The following ATRNL1 variants were observed in gnomAD, a reference collection of about 807,000 sequenced individuals.
The protein encoded by ATRNL1 is attractin like 1.
In ATRNL1, 95 loss-of-function variants were observed where a neutral mutation model predicts 182.7. The ratio of observed to expected loss-of-function variants is 0.52; its 90% confidence interval spans 0.44 to 0.62. The LOEUF is 0.62. Ranked by LOEUF, ATRNL1 falls within the 20% of genes least tolerant of loss-of-function variation. The pLI is 0.00. For synonymous variants in ATRNL1, 576 were observed against 568.3 expected (o/e 1.01, Z -0.19); for missense variants, 1,471 against 1,679.5 (o/e 0.88, Z 2.17).
At chr10:115,603,726 A>G (rs1555016727) in intron 26 of ATRNL1, among the ~76,000 whole-genome samples, 1 of 152,188 alleles carries the variant, frequency 6.6e-6, no homozygotes, top group Non-Finnish European at 1.5e-5. Context: ...ATATTTATCT[A>G]AATATTTACC....
At chr10:115,149,630 T>C (rs1405404575) in intron 5 of ATRNL1, among the ~76,000 whole-genome samples, 1 of 152,188 alleles carries the variant, frequency 6.6e-6, no homozygotes, top group Non-Finnish European at 1.5e-5. Flanking sequence ...GCTGATATGA[T>C]AGATCACATT....
chr10:115,147,056 T>TA (rs1241240988), intron 5 of ATRNL1, among the ~76,000 whole-genome samples: 1 of 152,168 alleles, frequency 6.6e-6, no homozygotes, highest in Non-Finnish European at 1.5e-5. Context: ...CCATACTGTT[T>TA]ACCATAGTGG....
At chr10:115,178,816 A>C (rs1292573033) in intron 8 of ATRNL1, among the ~76,000 whole-genome samples, 1 of 152,176 alleles carries the variant, frequency 6.6e-6, no homozygotes, top group Non-Finnish European at 1.5e-5. Context: ...GCAGACACCA[A>C]AGCTGCCAGC....
chr10:115,465,097 G>A (rs1847991174), intron 22 of ATRNL1, among the ~76,000 whole-genome samples: 1 of 151,588 alleles, frequency 6.6e-6, no homozygotes, highest in Non-Finnish European at 1.5e-5. Context: ...TTTTTGGAAA[G>A]GAAAAGTAAT....
At chr10:115,672,862 T>C (rs536244035) in intron 26 of ATRNL1, among the ~76,000 whole-genome samples, 5 of 152,204 alleles carry the variant, frequency 3.3e-5, no homozygotes, top group African/African-American at 1.2e-4. Flanking sequence ...AAGTTTTATG[T>C]TCATAGTAAA....
chr10:115,792,682 A>G (rs193107059), intron 27 of ATRNL1, among the ~76,000 whole-genome samples: 80 of 150,220 alleles, frequency 5.3e-4, no homozygotes, highest in Non-Finnish European at 6.2e-4. Flanking sequence ...TCAAAATGTT[A>G]TATGAAAAAA....
In ATRNL1 at chr10:115,847,954, A is replaced by G. The variant is rs1950967749; in HGVS notation, c.3981A>G (p.Pro1327=). Residue 1327 remains proline, a synonymous_variant, in exon 28 of 29, where the codon CCA becomes CCG. Coordinates refer to ENST00000355044, the MANE Select transcript of ATRNL1 (RefSeq NM_207303.4). ...AAVLTVFLCL[P]RGSSGAPPPG... ...TTCTGACTGTGTTTCTTTGTCTACCACGAGGATCATCAGGTGCCCCTCCCC... is the reference window on the plus strand; with the variant it reads ...TTCTGACTGTGTTTCTTTGTCTACCGCGAGGATCATCAGGTGCCCCTCCCC... The G allele has an allele frequency of 1.2e-6, 2 of 1,612,416 alleles. No individual in the cohort carries two copies.
rs184296104 is a variant in ATRNL1 at position 115,319,516 on chromosome 10, T to C, written c.3037+3780T>C. Among the ~76,000 whole-genome samples the C allele has an allele frequency of 1.9e-3, 293 of 152,248 alleles. 1 individual carries two copies. In the Middle Eastern group the frequency reaches 0.02, roughly 11 times the overall value. On this transcript the variant is annotated intron_variant, in intron 18 of 28. Transcript: ENST00000355044. ...GTGTCCCACTATTATTGTGTGGGAGTCTAAGTCTCTTTGTAGGTCTCTACA... is the reference window on the plus strand; with the variant it reads ...GTGTCCCACTATTATTGTGTGGGAGCCTAAGTCTCTTTGTAGGTCTCTACA...
At chr10:115,814,647 A>G (rs1434278075) in intron 27 of ATRNL1, among the ~76,000 whole-genome samples, 2 of 152,170 alleles carry the variant, frequency 1.3e-5, no homozygotes, top group Non-Finnish European at 2.9e-5. Context: ...TTCCTGTCTC[A>G]GGAAGGGCTT....
At chr10:115,329,314 A>C (rs181348390) in intron 18 of ATRNL1, among the ~76,000 whole-genome samples, 197 of 152,194 alleles carry the variant, frequency 1.3e-3, no homozygotes, top group Admixed American at 3.7e-3. Flanking sequence ...ATATTAGCTA[A>C]CCTGAAGAAT....
At chr10:115,265,364 C>G (rs1851566548) in intron 11 of ATRNL1, 87 bp downstream of exon 11, 2 of 800,498 alleles carry the variant, frequency 2.5e-6, no homozygotes, top group South Asian at 3.8e-5. Flanking sequence ...TGAAAATTAT[C>G]ATTGGTACTT....
intron 6 of ATRNL1, among the ~76,000 whole-genome samples, chr10:115,163,717 A>G (rs545820876): frequency 6.6e-6 from 1 of 152,262 alleles, no homozygotes; most frequent in East Asian, 1.9e-4. Context: ...ATGTGAGACC[A>G]TTGTGGCCCA....
chr10:115,368,659 C>G (rs2134186866), intron 19 of ATRNL1, among the ~76,000 whole-genome samples: 1 of 152,224 alleles, frequency 6.6e-6, no homozygotes, highest in East Asian at 1.9e-4. Context: ...ATCCCCTTTT[C>G]CACACCAGCT....
chr10:115,223,142 A>G (rs1849535577), intron 9 of ATRNL1, among the ~76,000 whole-genome samples: 1 of 152,086 alleles, frequency 6.6e-6, no homozygotes, highest in African/African-American at 2.4e-5. Flanking sequence ...TTAGCCAGGC[A>G]TGGTGGCATG....
intron 26 of ATRNL1, among the ~76,000 whole-genome samples, chr10:115,569,270 T>C (rs1013545715): frequency 1.3e-5 from 2 of 152,174 alleles, no homozygotes; most frequent in Non-Finnish European, 2.9e-5. Context: ...CCTAACTTAT[T>C]TAGTCCCTAT....
At chr10:115,521,138 T>TTGTTGTTG (rs1850906253) in intron 25 of ATRNL1, among the ~76,000 whole-genome samples, 5 of 149,072 alleles carry the variant, frequency 3.4e-5, no homozygotes, top group African/African-American at 1.0e-4. Context: ...TAAAACAACT[T>TTGTTGTTG]TTGTTGTTGT....
chr10:115,759,866 T>TTC (rs1948690032), intron 27 of ATRNL1, among the ~76,000 whole-genome samples: 1 of 56,548 alleles, frequency 1.8e-5, no homozygotes, highest in Non-Finnish European at 4.4e-5. Flanking sequence ...TTTTTTTTTT[T>TTC]GTATTTTTAG....
chr10:115,882,476 A>T (rs187670233), intron 28 of ATRNL1, among the ~76,000 whole-genome samples: 1 of 152,256 alleles, frequency 6.6e-6, no homozygotes, highest in East Asian at 1.9e-4. Context: ...TTCATACTTC[A>T]TTCACATGTG....
chr10:115,903,392 T>A (rs1347379743), intron 28 of ATRNL1, among the ~76,000 whole-genome samples: 1 of 152,152 alleles, frequency 6.6e-6, no homozygotes, highest in African/African-American at 2.4e-5. Flanking sequence ...AGCATTATAT[T>A]TTGCCTCCAG....
Sources: allele counts gnomAD v4.1 joint callset (sites outside exome capture counted in the v4.1 genomes callset), GRCh38; gene constraint gnomAD v4.1.1; transcripts MANE v1.5; gene names NCBI Gene and HGNC (gene_info 2026-07-23, HGNC 2026-07-21).